Variants in PXYLP1 observed in about 807,000 individuals in gnomAD.
PXYLP1 encodes the protein 2-phosphoxylose phosphatase 1.
PXYLP1 carries 17 observed loss-of-function variants against 37.9 expected under a neutral mutation model. The ratio of observed to expected loss-of-function variants is 0.45; its 90% CI spans 0.31 to 0.67. The LOEUF (loss-of-function observed/expected upper bound fraction) is 0.67. Ranked by LOEUF, PXYLP1 falls within the 30% of genes least tolerant of loss-of-function variation. The pLI, the probability that PXYLP1 is intolerant of heterozygous loss-of-function variation, is 0.07. For synonymous variants in PXYLP1, 221 were observed against 232.2 expected (o/e 0.95, Z 0.44); for missense variants, 511 against 612.0 (o/e 0.84, Z 1.74).
At chr3:141,233,491 G>T (rs998129608) in intron 1 of PXYLP1, among the ~76,000 whole-genome samples, 3 of 145,030 alleles carry the variant, frequency 2.1e-5, no homozygotes, top group Non-Finnish European at 3.0e-5. Context: ...AAAAACCCTC[G>T]TGGTCCCTGG....
chr3:141,268,196 AGAGAGAGAGAGT>A (rs1300155927), intron 2 of PXYLP1, among the ~76,000 whole-genome samples: 6,818 of 55,314 alleles, frequency 0.12, 196 homozygotes, highest in East Asian at 0.24. Context: ...AGAGAGAGAG[AGAGAGAGAGAGT>A]GTGTGTGTGT....
intron 1 of PXYLP1, among the ~76,000 whole-genome samples, chr3:141,249,466 G>C (rs995434548): frequency 7.4e-6 from 1 of 134,762 alleles, no homozygotes; most frequent in African/African-American, 3.0e-5. Context: ...CAGGACTTTG[G>C]AAGCTTTTTT....
At chr3:141,263,676 A>G (rs1275904673) in intron 2 of PXYLP1, among the ~76,000 whole-genome samples, 1 of 152,210 alleles carries the variant, frequency 6.6e-6, no homozygotes, top group Non-Finnish European at 1.5e-5. Flanking sequence ...CCATGTTCTG[A>G]CCACCATTCC....
At chr3:141,254,415 G>A (rs1023612932) in intron 1 of PXYLP1, among the ~76,000 whole-genome samples, 3 of 152,176 alleles carry the variant, frequency 2.0e-5, no homozygotes, top group Admixed American at 2.0e-4. Flanking sequence ...ATGAATGAGT[G>A]CGTGAACTGG....
chr3:141,291,646 C>T (rs1942212354), intron 5 of PXYLP1: 2 of 152,522 alleles, frequency 1.3e-5, no homozygotes, highest in African/African-American at 4.8e-5. Context: ...ATCTGGGTAT[C>T]AGGAGATTGT....
Position 141,278,323 on chromosome 3 carries a change from C to T in PXYLP1, c.80-19C>T, listed in dbSNP as rs920009050. 6.2e-7 allele frequency: 1 copy of T among 1,613,904 alleles called. No individual in the cohort carries two copies. Among genetic ancestry groups the T allele is most frequent in the Non-Finnish European group, 8.5e-7 (1 of 1,179,832 alleles). Reference sequence around the variant, plus strand: ...CGCCCCAGGAACTGTGCGTCACAACCTGCCTTACTTCGTTTCAGTCCACCT... The same window carrying T: ...CGCCCCAGGAACTGTGCGTCACAACTTGCCTTACTTCGTTTCAGTCCACCT... On this transcript the variant is annotated intron_variant, in intron 2 of 5. Transcript: ENST00000286353.
In PXYLP1 at chr3:141,255,624, G is replaced by A. The variant is rs192166606; in HGVS notation, c.-53-4499G>A. Among the ~76,000 whole-genome samples, 193 of 152,344 alleles carry A rather than the reference G, an allele frequency of 1.3e-3. 2 individuals carry two copies. The East Asian group carries it at 0.035, about 28-fold the overall frequency. On this transcript the variant is annotated intron_variant, in intron 1 of 5. Coordinates refer to ENST00000286353, the MANE Select transcript of PXYLP1 (RefSeq NM_001037172.3). Reference sequence around the variant, plus strand: ...GGCTCAGAATCCTGGCTGTCGCCTGGCATAGCTTGTATGAGTCTCACCAGA... The same window carrying A: ...GGCTCAGAATCCTGGCTGTCGCCTGACATAGCTTGTATGAGTCTCACCAGA...
chr3:141,254,562 C>T (rs1219050206), intron 1 of PXYLP1, among the ~76,000 whole-genome samples: 1 of 152,210 alleles, frequency 6.6e-6, no homozygotes, highest in African/African-American at 2.4e-5. Context: ...GCATCTTCAT[C>T]AGACTTCAAG....
Position 141,287,426 on chromosome 3 carries a change from T to G in PXYLP1, c.478T>G (p.Cys160Gly), listed in dbSNP as rs972312565. The G allele has an allele frequency of 2.5e-6, 4 of 1,614,052 alleles. No individual in the cohort carries two copies. The African/African-American group carries it at 5.3e-5, about 22-fold the overall frequency. The change falls in exon 5 of 6, where the codon TGT becomes GGT. Residue 160 changes from cysteine (C) to glycine (G), a missense_variant. By Grantham distance (159) the Cys-to-Gly change is radical. Coordinates refer to ENST00000286353, the MANE Select transcript of PXYLP1 (RefSeq NM_001037172.3). The stretch of plus-strand genomic sequence containing the variant: ...GCCTCTTTACCCAAATCACCCATTG[T>G]GTGAGATGGGAGAGCTCACACAGAC... ...SLPLYPNHPL[C>G]EMGELTQTGV...
chr3:141,272,474 G>A (rs557517932), intron 2 of PXYLP1, among the ~76,000 whole-genome samples: 1 of 139,070 alleles, frequency 7.2e-6, no homozygotes, highest in African/African-American at 3.2e-5. Context: ...TCTAGTGTTC[G>A]CTACTAACCC....
chr3:141,255,713 G>A (rs549820345), intron 1 of PXYLP1, among the ~76,000 whole-genome samples: 121 of 152,358 alleles, frequency 7.9e-4, no homozygotes, highest in African/African-American at 2.7e-3. Context: ...AGAAGTGCAG[G>A]AAGATGGCAG....
intron 1 of PXYLP1, among the ~76,000 whole-genome samples, chr3:141,242,789 A>T (rs1014295115): frequency 2.0e-5 from 3 of 152,168 alleles, no homozygotes; most frequent in African/African-American, 7.2e-5. Context: ...GTTTTCCAGG[A>T]TGGATCTCAT....
chr3:141,235,798 G>A (rs190766442), intron 1 of PXYLP1, among the ~76,000 whole-genome samples: 217 of 152,292 alleles, frequency 1.4e-3, no homozygotes, highest in African/African-American at 5.0e-3. Context: ...TTCAGGGTCC[G>A]CTCTGAGTCC....
Position 141,286,524 on chromosome 3 carries a change from C to T in PXYLP1, c.366-790C>T, listed in dbSNP as rs113062532. Among the ~76,000 whole-genome samples the T allele has an allele frequency of 2.3e-3, 349 of 152,068 alleles. 3 individuals are homozygous for T. Among genetic ancestry groups the T allele is most frequent in the African/African-American group, 8.2e-3 (338 of 41,470 alleles). On this transcript the variant is annotated intron_variant, in intron 4 of 5. Transcript: ENST00000286353. Reference sequence around the variant, plus strand: ...GATTTTCTAGGAGGAAGGGATAGCTCGTGGGAAGTGGTGGAAGTGTTGAAG... The same window carrying T: ...GATTTTCTAGGAGGAAGGGATAGCTTGTGGGAAGTGGTGGAAGTGTTGAAG...
chr3:141,292,507 G>T lies in PXYLP1; in HGVS notation c.745G>T (p.Val249Leu), dbSNP rs781123525. Reference sequence around the variant, plus strand: ...CTGCTCTGGAAGCTGCTATTGCCCGGTAAGAAACCAGTATCTGGAAAAGGA... The same window carrying T: ...CTGCTCTGGAAGCTGCTATTGCCCGTTAAGAAACCAGTATCTGGAAAAGGA... ...LFCSGSCYCP[V>L]RNQYLEKEQR... The change falls in exon 6 of 6, where the codon GTA becomes TTA. Residue 249 changes from valine (V) to leucine (L), a missense_variant. Coordinates refer to ENST00000286353, the MANE Select transcript of PXYLP1 (RefSeq NM_001037172.3). The surrounding 1 kb of genome is among the most constrained non-coding windows in gnomAD (Gnocchi z 4.3). 9.3e-6 allele frequency: 15 copies of T among 1,614,082 alleles called. No individual in the cohort carries two copies. Among genetic ancestry groups the T allele is most frequent in the Non-Finnish European group, 9.3e-6 (11 of 1,180,054 alleles).
chr3:141,236,707 G>A (rs1398584195), intron 1 of PXYLP1, among the ~76,000 whole-genome samples: 3 of 152,164 alleles, frequency 2.0e-5, no homozygotes, highest in Non-Finnish European at 4.4e-5. Context: ...AATCTAGTTA[G>A]AATTAAACAT....
chr3:141,274,526 A>G, intron 2 of PXYLP1: 1 of 1,461,256 alleles, frequency 6.8e-7, no homozygotes, highest in South Asian at 1.2e-5. Context: ...GATGCCCCTC[A>G]CCCCAGACTG....
intron 4 of PXYLP1, among the ~76,000 whole-genome samples, chr3:141,283,401 G>A (rs973692972): frequency 6.6e-6 from 1 of 152,130 alleles, no homozygotes; most frequent in African/African-American, 2.4e-5. Flanking sequence ...GACAGAACCT[G>A]AGGAGTGAGG....
intron 1 of PXYLP1, among the ~76,000 whole-genome samples, chr3:141,248,159 A>G (rs1459627785): frequency 6.6e-6 from 1 of 151,684 alleles, no homozygotes; most frequent in Non-Finnish European, 1.5e-5. Flanking sequence ...AGGAGCTGGA[A>G]CTACAGGTGC....
Sources: allele counts gnomAD v4.1 joint callset (sites outside exome capture counted in the v4.1 genomes callset), GRCh38; gene constraint gnomAD v4.1.1; non-coding constraint Gnocchi (gnomAD v3.1); transcripts MANE v1.5; gene names NCBI Gene and HGNC (gene_info 2026-07-23, HGNC 2026-07-21).